Variants in TENM4 observed in about 807,000 individuals in gnomAD.
The protein encoded by TENM4 is teneurin transmembrane protein 4.
TENM4 carries 82 observed loss-of-function variants against 243.3 expected under a neutral mutation model. The observed-to-expected ratio is 0.34, with a 90% CI of 0.28 to 0.40. TENM4 has a LOEUF of 0.40. Ranked by LOEUF, TENM4 falls within the 10% of genes least tolerant of loss-of-function variation. The probability of loss-of-function intolerance (pLI) is 1.00; values close to 1 mark genes in which losing one functional copy is unlikely to be tolerated. For missense variants in TENM4, 3,138 were observed against 3,673.3 expected (o/e 0.85, Z 3.77); for synonymous variants, 1,412 against 1,456.3 (o/e 0.97, Z 0.69).
At chr11:78,663,906 C>A (rs190321472) in intron 32 of TENM4, among the ~76,000 whole-genome samples, 149 of 152,200 alleles carry the variant, frequency 9.8e-4, no homozygotes, top group African/African-American at 3.4e-3. Context: ...TTCGGGTTGT[C>A]TGGGGCCCCC....
At chr11:79,245,938 TAAAAAAAA>T (rs1199883938) in intron 2 of TENM4, among the ~76,000 whole-genome samples, 22 of 64,894 alleles carry the variant, frequency 3.4e-4, no homozygotes, top group African/African-American at 1.0e-3. Flanking sequence ...AGACTTTGTC[TAAAAAAAA>T]AAAAAAAAAA....
intron 19 of TENM4, among the ~76,000 whole-genome samples, chr11:78,741,922 C>T (rs1357344558): frequency 6.6e-6 from 1 of 152,188 alleles, no homozygotes; most frequent in Non-Finnish European, 1.5e-5. Context: ...CTCTATTTGA[C>T]ATGATTTGCT....
intron 4 of TENM4, among the ~76,000 whole-genome samples, chr11:79,080,210 C>T (rs1860631833): frequency 6.6e-6 from 1 of 152,330 alleles, no homozygotes; most frequent in African/African-American, 2.4e-5. Context: ...TTTGTCCAAC[C>T]TCGTTCCCTC....
At chr11:79,415,427 A>G (rs1274042091) in intron 1 of TENM4, among the ~76,000 whole-genome samples, 1 of 152,228 alleles carries the variant, frequency 6.6e-6, no homozygotes. Context: ...TGCTATCATT[A>G]TAGACAAGCA....
At chr11:78,687,103 G>C (rs189522013) in intron 29 of TENM4, among the ~76,000 whole-genome samples, 14 of 152,266 alleles carry the variant, frequency 9.2e-5, no homozygotes, top group African/African-American at 3.1e-4. Flanking sequence ...CCCAGACCCA[G>C]AGACCAAGGC....
rs768421050 is a variant in TENM4 at position 78,729,395 on chromosome 11, A to G, written c.3387T>C (p.Phe1129=). The G allele has an allele frequency of 1.6e-5, 26 of 1,580,072 alleles. No homozygotes were observed. Among genetic ancestry groups the G allele is most frequent in the Non-Finnish European group, 2.2e-5 (25 of 1,161,772 alleles). ...GCTTACCAAAGGCTTCTGAAAGCCC[A>G]AACACCTTCTGGTTGTAGACGTCTG... ...DKTDVYNQKV[F]GLSEAFVSVG... Residue 1129 remains phenylalanine (F), a synonymous_variant, in exon 22 of 34, where the codon TTT becomes TTC. Transcript: ENST00000278550.
intron 6 of TENM4, among the ~76,000 whole-genome samples, chr11:78,930,643 G>T (rs747663429): frequency 1.3e-5 from 2 of 152,152 alleles, no homozygotes; most frequent in Non-Finnish European, 2.9e-5. Flanking sequence ...GAACTGGCCC[G>T]GGCCACAACG....
chr11:79,075,374 T>A (rs114521202), intron 4 of TENM4, among the ~76,000 whole-genome samples: 3,788 of 152,304 alleles, frequency 0.025, 124 homozygotes, highest in African/African-American at 0.07. Flanking sequence ...GTAAGGCCTG[T>A]CCTGGCCACC....
intron 18 of TENM4, among the ~76,000 whole-genome samples, chr11:78,761,696 A>G (rs1039962576): frequency 2.4e-5 from 1 of 42,078 alleles, no homozygotes; most frequent in Non-Finnish European, 5.7e-5. Flanking sequence ...GTCTCTTAGC[A>G]CACCCCCCCA....
At chr11:79,263,340 T>C (rs1459629634) in intron 2 of TENM4, among the ~76,000 whole-genome samples, 1 of 152,178 alleles carries the variant, frequency 6.6e-6, no homozygotes, top group Non-Finnish European at 1.5e-5. Flanking sequence ...CCTGGCCTTG[T>C]CTGTAAGTCA....
chr11:79,213,430 T>A (rs774918991), intron 3 of TENM4, among the ~76,000 whole-genome samples: 1 of 152,166 alleles, frequency 6.6e-6, no homozygotes, highest in African/African-American at 2.4e-5. Context: ...TCTAGTAATA[T>A]ACACACCAGG....
At chr11:79,074,642 G>C (rs929497320) in intron 4 of TENM4, among the ~76,000 whole-genome samples, 2 of 152,176 alleles carry the variant, frequency 1.3e-5, no homozygotes, top group African/African-American at 4.8e-5. Flanking sequence ...CCATTTGCCA[G>C]ACATCCCATA....
intron 18 of TENM4, among the ~76,000 whole-genome samples, chr11:78,764,727 A>C (rs1856506111): frequency 6.6e-6 from 1 of 152,162 alleles, no homozygotes; most frequent in Admixed American, 6.5e-5. Flanking sequence ...TAGGCACTGG[A>C]TGCTCAGGAA....
intron 1 of TENM4, among the ~76,000 whole-genome samples, chr11:79,397,668 A>T (rs978005620): frequency 2.0e-5 from 3 of 152,236 alleles, no homozygotes; most frequent in African/African-American, 7.2e-5. Context: ...GTGAGCCAGG[A>T]AGGCAAAAGC....
intron 6 of TENM4, among the ~76,000 whole-genome samples, chr11:79,000,168 A>C (rs982480782): frequency 6.6e-6 from 1 of 152,224 alleles, no homozygotes; most frequent in Admixed American, 6.5e-5. Context: ...TAAAAAGTGA[A>C]GGTAAAACAA....
At chr11:79,406,996 T>C (rs1180943516) in intron 1 of TENM4, among the ~76,000 whole-genome samples, 1 of 152,156 alleles carries the variant, frequency 6.6e-6, no homozygotes, top group East Asian at 1.9e-4. Flanking sequence ...GCTGGGCCCA[T>C]CAACAGAGAA....
At chr11:79,431,983 C>T (rs780180264) in intron 1 of TENM4, among the ~76,000 whole-genome samples, 8 of 152,048 alleles carry the variant, frequency 5.3e-5, no homozygotes, top group African/African-American at 1.4e-4. Flanking sequence ...ACTGCACTGT[C>T]GAGTATGGCA....
At chr11:78,940,446 A>G (rs564106869) in intron 6 of TENM4, among the ~76,000 whole-genome samples, 2 of 152,318 alleles carry the variant, frequency 1.3e-5, no homozygotes, top group South Asian at 4.1e-4. Flanking sequence ...AGGAGTGATG[A>G]TGGTCTGGTC....
chr11:78,903,500 G>A lies in TENM4; in HGVS notation c.517C>T (p.His173Tyr), dbSNP rs1046830439. 1.3e-6 allele frequency: 2 copies of A among 1,547,596 alleles called. No homozygotes were observed. Among genetic ancestry groups the A allele is most frequent in the Admixed American group, 2.0e-5 (1 of 50,850 alleles). ...ETDHPGGLQN[H>Y]ARLRTPPPPL... is the part of the protein sequence containing the mutation. ...GGCGGCGGCGTCCGGAGCCGCGCGT[G>A]GTTCTGCAGGCCGCCCGGATGATCT... Residue 173 changes from histidine to tyrosine, a missense_variant, in exon 7 of 34, where the codon CAC becomes TAC. His to Tyr is a moderately conservative substitution (Grantham distance 83, BLOSUM62 2). Transcript: ENST00000278550.
Sources: allele counts gnomAD v4.1 joint callset (sites outside exome capture counted in the v4.1 genomes callset), GRCh38; gene constraint gnomAD v4.1.1; transcripts MANE v1.5; gene names NCBI Gene and HGNC (gene_info 2026-07-23, HGNC 2026-07-21).